TMTC2: variants seen among roughly 807,000 people sequenced by gnomAD.
TMTC2 encodes the protein transmembrane O-mannosyltransferase targeting cadherins 2.
Under a neutral mutation model 82.4 loss-of-function variants are expected in TMTC2, and 43 were observed. The observed-to-expected ratio is 0.52, with a 90% CI of 0.41 to 0.67. The LOEUF (loss-of-function observed/expected upper bound fraction) is 0.67, where lower values mean the gene tolerates loss of function less well. Among genes scored for constraint, TMTC2 ranks in the 30% least tolerant of loss-of-function variants. TMTC2 has a pLI of 0.00. For synonymous variants in TMTC2, 408 were observed against 381.9 expected (o/e 1.07, Z -0.80); for missense variants, 919 against 1,012.4 (o/e 0.91, Z 1.25).
At position 83,035,262 on chromosome 12, in the gene TMTC2, C is replaced by A. The variant is rs963045085; in HGVS notation, c.2152+4383C>A. 2.0e-5 allele frequency among the ~76,000 whole-genome samples: 3 copies of A among 152,078 alleles called. No individual in the cohort carries two copies. In the South Asian group the frequency reaches 6.2e-4, roughly 32 times the overall value. ...TATCAGTTACTTGTGTTTTTGTATCCACTAGTTTTGTTCGGGGGAAGAGAT... is the reference window on the plus strand; with the variant it reads ...TATCAGTTACTTGTGTTTTTGTATCAACTAGTTTTGTTCGGGGGAAGAGAT... On this transcript the variant is annotated intron_variant, in intron 9 of 11. Coordinates refer to ENST00000321196, the MANE Select transcript of TMTC2 (RefSeq NM_152588.3).
At chr12:83,029,337 A>G (rs1021572395) in intron 8 of TMTC2, among the ~76,000 whole-genome samples, 3 of 152,076 alleles carry the variant, frequency 2.0e-5, no homozygotes, top group African/African-American at 7.2e-5. Context: ...TTAAAAAAAA[A>G]CTGATCAGCT....
chr12:83,023,500 T>A (rs996103034), intron 8 of TMTC2, among the ~76,000 whole-genome samples: 4 of 152,268 alleles, frequency 2.6e-5, no homozygotes, highest in East Asian at 3.9e-4. Context: ...TCCCAGGGGT[T>A]AACCTAAAAC....
At chr12:82,857,715 T>G (rs1871334537) in intron 2 of TMTC2, 135 bp downstream of exon 2, 1 of 765,672 alleles carries the variant, frequency 1.3e-6, no homozygotes, top group African/African-American at 1.8e-5. Context: ...CTTCAGTAAG[T>G]GGAAGTGTCC....
chr12:82,946,389 T>C (rs1361181857), intron 4 of TMTC2, among the ~76,000 whole-genome samples: 2 of 152,250 alleles, frequency 1.3e-5, no homozygotes, highest in African/African-American at 2.4e-5. Context: ...AGGGTGTACA[T>C]AGATTACTTT....
intron 1 of TMTC2, among the ~76,000 whole-genome samples, chr12:82,734,844 T>A (rs1875004228): frequency 6.6e-6 from 1 of 152,216 alleles, no homozygotes; most frequent in East Asian, 1.9e-4. Context: ...CACTGCACTG[T>A]CAGAAACTCA....
intron 4 of TMTC2, among the ~76,000 whole-genome samples, chr12:82,949,658 A>G (rs933055578): frequency 6.6e-6 from 1 of 152,160 alleles, no homozygotes; most frequent in African/African-American, 2.4e-5. Context: ...CATTGGGTTG[A>G]GTTGCATTAT....
At chr12:82,908,161 T>C (rs181479698) in intron 3 of TMTC2, among the ~76,000 whole-genome samples, 8 of 152,278 alleles carry the variant, frequency 5.3e-5, no homozygotes, top group Admixed American at 5.2e-4. Context: ...ATTAAATATA[T>C]ATGAAATATA....
chr12:82,997,172 C>CTT (rs1318244299), intron 8 of TMTC2, among the ~76,000 whole-genome samples: 2 of 63,454 alleles, frequency 3.2e-5, no homozygotes, highest in Non-Finnish European at 3.9e-5. Context: ...CTCTCTCTCT[C>CTT]TCTCCCACCC....
At chr12:83,062,843 T>A (rs1401756453) in intron 11 of TMTC2, among the ~76,000 whole-genome samples, 1 of 151,778 alleles carries the variant, frequency 6.6e-6, no homozygotes, top group Admixed American at 6.6e-5. Flanking sequence ...GAGACCTATG[T>A]GGGAGGTAGC....
intron 11 of TMTC2, among the ~76,000 whole-genome samples, chr12:83,097,263 G>A (rs1884061032): frequency 6.6e-6 from 1 of 152,176 alleles, no homozygotes; most frequent in Non-Finnish European, 1.5e-5. Context: ...TTATTTGCAA[G>A]TAATCATTAA....
chr12:82,719,075 ATATATATATATTTTTTTTTT>A, intron 1 of TMTC2, among the ~76,000 whole-genome samples: 1 of 80,204 alleles, frequency 1.2e-5, no homozygotes, highest in East Asian at 3.9e-4. Flanking sequence ...ATATATATAT[ATATATATATATTTTTTTTTT>A]TTTTTTTTTT....
chr12:82,784,990 A>G (rs1253579430), intron 1 of TMTC2, among the ~76,000 whole-genome samples: 4 of 152,102 alleles, frequency 2.6e-5, no homozygotes, highest in East Asian at 3.9e-4. Flanking sequence ...TCAGTTTCCA[A>G]TTGGGAATAA....
intron 4 of TMTC2, among the ~76,000 whole-genome samples, chr12:82,942,960 G>A (rs908363250): frequency 6.6e-6 from 1 of 152,002 alleles, no homozygotes; most frequent in African/African-American, 2.4e-5. Flanking sequence ...ATTTTATCTT[G>A]CAGCATTCAT....
chr12:83,019,941 C>T (rs7973391), intron 8 of TMTC2, among the ~76,000 whole-genome samples: 85,860 of 151,948 alleles, frequency 0.57, 25,055 homozygotes, highest in South Asian at 0.73. Flanking sequence ...CCTTCACTCC[C>T]CTCTGCCTCA....
At chr12:83,090,677 C>T (rs993736010) in intron 11 of TMTC2, among the ~76,000 whole-genome samples, 1 of 152,098 alleles carries the variant, frequency 6.6e-6, no homozygotes. Context: ...TGTATTGGCC[C>T]TTTCCATGCT....
At chr12:82,961,192 CTAT>C (rs139490507) in intron 4 of TMTC2, among the ~76,000 whole-genome samples, 8,116 of 146,144 alleles carry the variant, frequency 0.056, 252 homozygotes, top group Non-Finnish European at 0.071. Flanking sequence ...TTCTCTGCCA[CTAT>C]TATTATTATT....
intron 4 of TMTC2, among the ~76,000 whole-genome samples, chr12:82,931,459 C>G (rs570786792): frequency 1.3e-5 from 2 of 152,082 alleles, no homozygotes; most frequent in African/African-American, 4.8e-5. Flanking sequence ...GCTGGTACAA[C>G]GAGATGTGAG....
intron 8 of TMTC2, among the ~76,000 whole-genome samples, chr12:83,027,066 T>C (rs1359944224): frequency 6.6e-6 from 1 of 152,082 alleles, no homozygotes. Context: ...TAAATACTGG[T>C]TGTTTTTAAT....
chr12:82,924,661 T>C lies in TMTC2; in HGVS notation c.1484-5770T>C, dbSNP rs149608951. 4.3e-4 allele frequency among the ~76,000 whole-genome samples: 65 copies of C among 152,290 alleles called. 2 individuals carry two copies. In the East Asian group the frequency reaches 0.011, roughly 25 times the overall value. ...TTGATGATTTTTAATTTCTAAGTTGTTTTCTCACTTTGAAATAGCCATCTC... is the reference window on the plus strand; with the variant it reads ...TTGATGATTTTTAATTTCTAAGTTGCTTTCTCACTTTGAAATAGCCATCTC... On this transcript the variant is annotated intron_variant, in intron 3 of 11. Coordinates refer to ENST00000321196, the MANE Select transcript of TMTC2 (RefSeq NM_152588.3).
Sources: allele counts gnomAD v4.1 joint callset (sites outside exome capture counted in the v4.1 genomes callset), GRCh38; gene constraint gnomAD v4.1.1; transcripts MANE v1.5; gene names NCBI Gene and HGNC (gene_info 2026-07-23, HGNC 2026-07-21).